ZNF564: variants seen among roughly 807,000 people sequenced by gnomAD.
ZNF564 encodes the protein zinc finger protein 564.
Under a neutral mutation model 10.5 loss-of-function variants are expected in ZNF564, and 5 were observed. The ratio of observed to expected loss-of-function variants is 0.48; its 90% confidence interval spans 0.25 to 1.00. ZNF564 has a LOEUF of 1.00. ZNF564 is among the 50% of genes least tolerant of loss of function. ZNF564 has a pLI of 0.16. For missense variants in ZNF564, 603 were observed against 669.7 expected, an observed-to-expected ratio of 0.90 and a Z score of 1.10; for synonymous variants, 242 against 218.1, an observed-to-expected ratio of 1.11 and a Z score of -0.97.
At chr19:12,533,456 G>A (rs1448861423) in intron 1 of ZNF564, among the ~76,000 whole-genome samples, 2 of 152,354 alleles carry the variant, frequency 1.3e-5, no homozygotes, top group East Asian at 3.9e-4. Context: ...GCTGGGTGCA[G>A]TGGCTCACGC....
At chr19:12,536,150 T>C (rs1228998098) in intron 1 of ZNF564, among the ~76,000 whole-genome samples, 1 of 152,146 alleles carries the variant, frequency 6.6e-6, no homozygotes, top group Non-Finnish European at 1.5e-5. Flanking sequence ...AAGAGACTCA[T>C]GACTGAAAAG....
At position 12,527,791 on chromosome 19, in the gene ZNF564, C is replaced by G; in HGVS notation, c.317G>C (p.Ser106Thr). ...ATGCATGAAGACTTTCCCACACAAA[C>G]TACATTCACATGGTCTTACTATAGT... ...IPTIVRPCEC[S>T]LCGKVFMHHS... Residue 106 changes from serine (S) to threonine (T), a missense_variant, in exon 4 of 4, where the codon AGT becomes ACT. By Grantham distance (58) the Ser-to-Thr change is moderately conservative (BLOSUM62 1). Coordinates refer to ENST00000339282, the MANE Select transcript of ZNF564 (RefSeq NM_144976.4). 1 of 1,614,104 alleles carries G rather than the reference C, an allele frequency of 6.2e-7. No homozygotes were observed. The highest frequency in any genetic ancestry group is 8.5e-7 in the Non-Finnish European group (1 of 1,180,038).
chr19:12,541,530 T>C (rs1056893947), intron 1 of ZNF564: 1 of 149,698 alleles, frequency 6.7e-6, no homozygotes, highest in African/African-American at 2.5e-5. Context: ...AGCCTGGGGA[T>C]GGAGACTCTG....
Position 12,527,894 on chromosome 19 carries a change from T to G in ZNF564, c.214A>C (p.Ser72Arg). Residue 72 changes from serine to arginine, a missense_variant, in exon 4 of 4, where the codon AGT becomes CGT. Ser to Arg is a moderately radical substitution (Grantham distance 110, BLOSUM62 -1). Transcript: ENST00000339282. ...ILRNHMEEGLSESKEYDQCGE... is the reference protein window; with the variant it reads ...ILRNHMEEGLRESKEYDQCGE... The stretch of plus-strand genomic sequence containing the variant: ...CATTGATCATATTCTTTACTTTCAC[T>G]GAGTCCCTCTTCCATATGATTTCTG... 1 of 1,606,388 alleles carries G rather than the reference T, an allele frequency of 6.2e-7. No individual in the cohort carries two copies. The highest frequency in any genetic ancestry group is 2.2e-5 in the East Asian group (1 of 44,796).
At position 12,526,628 on chromosome 19, in the gene ZNF564, T is replaced by C. The variant is rs1347824726; in HGVS notation, c.1480A>G (p.Ile494Val). ...TCTCCGGTATGAGTTCTTTCATGTA[T>C]TCTAATGGAACTGGCATAATTGAAT... ...KAFNYASSIR[I>V]HERTHTGEKP... The change falls in exon 4 of 4, where the codon ATA becomes GTA. Residue 494 changes from isoleucine (I) to valine (V), a missense_variant. Coordinates refer to ENST00000339282, the MANE Select transcript of ZNF564 (RefSeq NM_144976.4). 6.2e-7 allele frequency: 1 copy of C among 1,614,146 alleles called. No homozygotes were observed. Among genetic ancestry groups the C allele is most frequent in the South Asian group, 1.1e-5 (1 of 91,080 alleles).
Position 12,527,439 on chromosome 19 carries a change from T to C in ZNF564, c.669A>G (p.Lys223=), listed in dbSNP as rs775141432. ...TTGCACATTCCTGACATTCATAGGGTTTCTCTCCAGTGTGAGTTCTTTCAT... is the reference window on the plus strand; with the variant it reads ...TTGCACATTCCTGACATTCATAGGGCTTCTCTCCAGTGTGAGTTCTTTCAT... The part of the protein sequence containing the change: ...QIHERTHTGE[K]PYECQECAKA... The change falls in exon 4 of 4, where the codon AAA becomes AAG. Residue 223 remains lysine, a synonymous_variant. Transcript: ENST00000339282. 3.7e-6 allele frequency: 6 copies of C among 1,613,834 alleles called. No individual in the cohort carries two copies. In the East Asian group the frequency reaches 1.1e-4, roughly 30 times the overall value.
intron 1 of ZNF564, among the ~76,000 whole-genome samples, chr19:12,533,317 T>C (rs2021843822): frequency 6.6e-6 from 1 of 151,852 alleles, no homozygotes; most frequent in African/African-American, 2.4e-5. Context: ...AAAATGAAAA[T>C]GAAAACAAAA....
intron 1 of ZNF564, among the ~76,000 whole-genome samples, chr19:12,540,658 T>G (rs113116359): frequency 1.2e-4 from 18 of 152,048 alleles, no homozygotes; most frequent in Non-Finnish European, 2.5e-4. Context: ...ATCGCCACCA[T>G]CCTGGCTAAC....
intron 1 of ZNF564, among the ~76,000 whole-genome samples, chr19:12,544,683 C>T (rs988851015): frequency 1.3e-5 from 2 of 152,168 alleles, no homozygotes; most frequent in South Asian, 2.1e-4. Flanking sequence ...TGTGACTCCA[C>T]GAAATTCCCA....
Position 12,526,669 on chromosome 19 carries a change from T to C in ZNF564, c.1439A>G (p.Lys480Arg). 6.2e-7 allele frequency: 1 copy of C among 1,614,180 alleles called. No homozygotes were observed. Among genetic ancestry groups the C allele is most frequent in the South Asian group, 1.1e-5 (1 of 91,084 alleles). The stretch of plus-strand genomic sequence containing the variant: ...ATAATTGAATGCTTTCCCACATTCT[T>C]TACATTCATAGGGTTTTTCTCCAGT... ...THTGEKPYEC[K>R]ECGKAFNYAS... The change falls in exon 4 of 4, where the codon AAA (lysine) becomes AGA (arginine). Residue 480 changes from lysine (K) to arginine (R), a missense_variant. By Grantham distance (26) the Lys-to-Arg change is conservative. Transcript: ENST00000339282.
In ZNF564 at chr19:12,527,772, G is replaced by A. The variant is rs1478862305; in HGVS notation, c.336C>T (p.Phe112=). Residue 112 remains phenylalanine, a synonymous_variant, in exon 4 of 4, where the codon TTC becomes TTT. Coordinates refer to ENST00000339282, the MANE Select transcript of ZNF564 (RefSeq NM_144976.4). ...PCECSLCGKV[F]MHHSSLSRHI... ...GCCTACTAAGGGATGAATGATGCAT[G>A]AAGACTTTCCCACACAAACTACATT... 1.2e-6 allele frequency: 2 copies of A among 1,613,926 alleles called. No individual in the cohort carries two copies. The highest frequency in any genetic ancestry group is 2.7e-5 in the African/African-American group (2 of 74,940).
Position 12,527,072 on chromosome 19 carries a change from A to C in ZNF564, c.1036T>G (p.Phe346Val). Reference sequence around the variant, plus strand: ...GTTCGAACATTACTGGAAGAACTGAAGGTTTTACCACATTTATTACATTCA... The same window carrying C: ...GTTCGAACATTACTGGAAGAACTGACGGTTTTACCACATTTATTACATTCA... Reference protein sequence around the residue: ...PYECNKCGKTFSSSSNVRTHE... With the variant: ...PYECNKCGKTVSSSSNVRTHE... The change falls in exon 4 of 4, where the codon TTC (phenylalanine) becomes GTC (valine). Residue 346 changes from phenylalanine to valine, a missense_variant. Physicochemically the swap from Phe to Val is conservative, Grantham distance 50. Transcript: ENST00000339282. 1 of 1,614,120 alleles carries C rather than the reference A, an allele frequency of 6.2e-7. No individual in the cohort carries two copies. The highest frequency in any genetic ancestry group is 8.5e-7 in the Non-Finnish European group (1 of 1,180,014).
Position 12,527,871 on chromosome 19 carries a change from T to C in ZNF564, c.237A>G (p.Gln79=), listed in dbSNP as rs1170349228. Residue 79 remains glutamine, a synonymous_variant, in exon 4 of 4, where the codon CAA becomes CAG. Coordinates refer to ENST00000339282, the MANE Select transcript of ZNF564 (RefSeq NM_144976.4). ...EGLSESKEYD[Q]CGEAFSQILN... is the part of the protein sequence containing the mutation. ...GAATCTGACTGAAGGCTTCTCCACATTGATCATATTCTTTACTTTCACTGA... is the reference window on the plus strand; with the variant it reads ...GAATCTGACTGAAGGCTTCTCCACACTGATCATATTCTTTACTTTCACTGA... 9.9e-6 allele frequency: 16 copies of C among 1,613,264 alleles called. No homozygotes were observed. Among genetic ancestry groups the C allele is most frequent in the South Asian group, 2.2e-5 (2 of 90,952 alleles).
chr19:12,527,937 G>T (rs1442163866), intron 3 of ZNF564, 21 bp from the exon 4 acceptor site: 1 of 1,557,790 alleles, frequency 6.4e-7, no homozygotes, highest in Non-Finnish European at 8.6e-7. Flanking sequence ...TAGAAAGCAA[G>T]ATTTAGTGGT....
chr19:12,546,510 C>T (rs938172919), intron 1 of ZNF564, among the ~76,000 whole-genome samples: 7 of 152,028 alleles, frequency 4.6e-5, no homozygotes, highest in Non-Finnish European at 5.9e-5. Flanking sequence ...GGACGGATCA[C>T]GAGGTCAAGA....
chr19:12,547,416 C>G (rs1287692395), intron 1 of ZNF564, among the ~76,000 whole-genome samples: 1 of 152,158 alleles, frequency 6.6e-6, no homozygotes, highest in Non-Finnish European at 1.5e-5. Flanking sequence ...CTGCTTTCAC[C>G]TTTTCGTTAT....
intron 1 of ZNF564, among the ~76,000 whole-genome samples, chr19:12,532,024 A>G (rs149263556): frequency 6.6e-6 from 1 of 152,188 alleles, no homozygotes; most frequent in South Asian, 2.1e-4. Context: ...GGCTATCTTA[A>G]TATCACAAAG....
intron 1 of ZNF564, among the ~76,000 whole-genome samples, chr19:12,533,681 C>T (rs2021850357): frequency 7.7e-6 from 1 of 130,138 alleles, no homozygotes; most frequent in African/African-American, 3.0e-5. Flanking sequence ...GAGCCAAGAT[C>T]ATGCCACTGC....
intron 1 of ZNF564, among the ~76,000 whole-genome samples, chr19:12,540,375 G>A (rs2022018385): frequency 6.6e-6 from 1 of 152,136 alleles, no homozygotes; most frequent in African/African-American, 2.4e-5. Context: ...ACACAAATAA[G>A]TCTCAGTGTA....
Sources: gnomAD v4.1 joint callset for allele counts (sites outside exome capture counted in the v4.1 genomes callset) on GRCh38, gnomAD v4.1.1 for gene constraint, MANE v1.5 for transcripts, NCBI Gene and HGNC (gene_info 2026-07-23, HGNC 2026-07-21) for gene names.